Variants in AKT3 observed in about 807,000 individuals in gnomAD.
The protein encoded by AKT3 is AKT serine/threonine kinase 3.
AKT3 carries 15 observed loss-of-function variants against 65.3 expected under a neutral mutation model. The observed-to-expected ratio is 0.23, with a 90% confidence interval of 0.15 to 0.35. The LOEUF (loss-of-function observed/expected upper bound fraction) is 0.35. Ranked by LOEUF, AKT3 falls within the 10% of genes least tolerant of loss-of-function variation. The pLI is 1.00. For synonymous variants in AKT3, 206 were observed against 183.8 expected, an observed-to-expected ratio of 1.12 and a Z score of -0.98; for missense variants, 243 against 576.5, an observed-to-expected ratio of 0.42 and a Z score of 5.92.
chr1:243,704,559 G>C lies in AKT3; in HGVS notation c.47-8843C>G, dbSNP rs575758709. Among the ~76,000 whole-genome samples the C allele has an allele frequency of 5.6e-4, 86 of 152,246 alleles. 1 individual carries two copies. Among genetic ancestry groups the C allele is most frequent in the African/African-American group, 1.9e-3 (77 of 41,542 alleles). ...GCATTTCTAAATAGCATCTCATGTGGATTCAGAAAAAGGTAGTCGATGATA... is the reference window on the plus strand; with the variant it reads ...GCATTTCTAAATAGCATCTCATGTGCATTCAGAAAAAGGTAGTCGATGATA... On this transcript the variant is annotated intron_variant, in intron 2 of 13. Coordinates refer to ENST00000673466, the MANE Select transcript of AKT3 (RefSeq NM_005465.7).
intron 2 of AKT3, among the ~76,000 whole-genome samples, chr1:243,789,315 G>A (rs1043000785): frequency 1.3e-5 from 2 of 152,216 alleles, no homozygotes; most frequent in Non-Finnish European, 2.9e-5. Context: ...TAGCCAGGGA[G>A]TTCAAGGCTG....
At chr1:243,813,455 A>G (rs1474642639) in intron 2 of AKT3, among the ~76,000 whole-genome samples, 1 of 151,842 alleles carries the variant, frequency 6.6e-6, no homozygotes, top group Non-Finnish European at 1.5e-5. Context: ...TTGTGTAACC[A>G]AATACCACCT....
intron 11 of AKT3, among the ~76,000 whole-genome samples, chr1:243,549,126 A>C (rs1672872532): frequency 6.6e-6 from 1 of 152,114 alleles, no homozygotes; most frequent in Admixed American, 6.5e-5. Context: ...TTCCCAATCC[A>C]TGTAGTCAGT....
chr1:243,827,193 A>G (rs947942996), intron 2 of AKT3, among the ~76,000 whole-genome samples: 6 of 152,178 alleles, frequency 3.9e-5, no homozygotes, highest in Non-Finnish European at 8.8e-5. Context: ...TAATACAGGT[A>G]GAAAGTGATA....
chr1:243,545,258 G>T (rs1672582031), intron 12 of AKT3, among the ~76,000 whole-genome samples: 2 of 151,952 alleles, frequency 1.3e-5, no homozygotes, highest in Non-Finnish European at 2.9e-5. Flanking sequence ...AATAATGAGA[G>T]GCAAACAAAT....
At chr1:243,514,232 C>A (rs1670201897) in intron 12 of AKT3, among the ~76,000 whole-genome samples, 1 of 152,180 alleles carries the variant, frequency 6.6e-6, no homozygotes, top group African/African-American at 2.4e-5. Context: ...TCTGCCCCAT[C>A]CTTTTCATCT....
intron 12 of AKT3, 81 bp from the exon 13 acceptor site, chr1:243,512,507 G>C: frequency 1.2e-6 from 1 of 822,764 alleles, no homozygotes; most frequent in Non-Finnish European, 1.9e-6. Context: ...CAGAGAGCAC[G>C]TAGTTAAATG....
At chr1:243,780,721 GTAA>G (rs1690855320) in intron 2 of AKT3, among the ~76,000 whole-genome samples, 1 of 151,828 alleles carries the variant, frequency 6.6e-6, no homozygotes, top group Admixed American at 6.6e-5. Context: ...TATAAACTTT[GTAA>G]TTGTTCTAAC....
chr1:243,642,455 GCC>G (rs919101579), intron 5 of AKT3, among the ~76,000 whole-genome samples: 26 of 152,068 alleles, frequency 1.7e-4, no homozygotes, highest in African/African-American at 5.8e-4. Flanking sequence ...GACTACAGGC[GCC>G]CGCCACCACG....
chr1:243,763,054 C>G (rs1439143584), intron 2 of AKT3, among the ~76,000 whole-genome samples: 1 of 151,928 alleles, frequency 6.6e-6, no homozygotes, highest in Admixed American at 6.6e-5. Context: ...CGGCTTATTA[C>G]TCTAATAAAG....
At chr1:243,844,713 C>T (rs1192648589) in intron 1 of AKT3, among the ~76,000 whole-genome samples, 1 of 151,824 alleles carries the variant, frequency 6.6e-6, no homozygotes, top group Admixed American at 6.6e-5. Context: ...TTTTAAAAAG[C>T]AAAAAAAGTT....
At chr1:243,737,560 G>A (rs1370079749) in intron 2 of AKT3, among the ~76,000 whole-genome samples, 2 of 152,128 alleles carry the variant, frequency 1.3e-5, no homozygotes, top group Non-Finnish European at 2.9e-5. Flanking sequence ...GAAAAAGTGA[G>A]CACTCAATAC....
At chr1:243,841,339 C>T (rs1220494789) in intron 2 of AKT3, among the ~76,000 whole-genome samples, 2 of 152,064 alleles carry the variant, frequency 1.3e-5, no homozygotes, top group Non-Finnish European at 2.9e-5. Context: ...AATCCACAAC[C>T]ATCATCTCAT....
chr1:243,786,414 T>C (rs935969902), intron 2 of AKT3, among the ~76,000 whole-genome samples: 19 of 152,184 alleles, frequency 1.2e-4, no homozygotes, highest in African/African-American at 3.9e-4. Context: ...GGATAGTCAG[T>C]TATTTAAGTG....
chr1:243,715,395 T>C (rs1397531092), intron 2 of AKT3, among the ~76,000 whole-genome samples: 2 of 152,072 alleles, frequency 1.3e-5, no homozygotes, highest in African/African-American at 4.8e-5. Flanking sequence ...GCTTTACAGT[T>C]TACCAAATAT....
intron 3 of AKT3, among the ~76,000 whole-genome samples, chr1:243,676,926 T>C (rs1336218865): frequency 1.3e-5 from 2 of 152,220 alleles, no homozygotes; most frequent in Non-Finnish European, 2.9e-5. Flanking sequence ...AGATGAGTCC[T>C]ACCCAAATTC....
rs971415836 is a variant in AKT3 at position 243,684,927 on chromosome 1, A to C, written c.172+10664T>G. The stretch of plus-strand genomic sequence containing the variant: ...GACCAGTGATGATGAGCTTTTTTTC[A>C]TATGTTGGTTGGCCACATAAATGTC... On this transcript the variant is annotated intron_variant, in intron 3 of 13. Transcript: ENST00000673466. 2.6e-5 allele frequency among the ~76,000 whole-genome samples: 4 copies of C among 151,970 alleles called. No individual in the cohort carries two copies. The South Asian group carries it at 8.3e-4, about 31-fold the overall frequency.
At chr1:243,589,252 G>T (rs1229118709) in intron 8 of AKT3, among the ~76,000 whole-genome samples, 2 of 140,760 alleles carry the variant, frequency 1.4e-5, no homozygotes, top group Non-Finnish European at 3.0e-5. Flanking sequence ...GTTGCAGTGA[G>T]CCGAGATTGT....
chr1:243,835,846 T>C (rs996693381), intron 2 of AKT3, among the ~76,000 whole-genome samples: 9 of 152,156 alleles, frequency 5.9e-5, no homozygotes, highest in African/African-American at 2.2e-4. Context: ...AATAACAGTA[T>C]GCCTAAGTTC....
Sources: gnomAD v4.1 joint callset for allele counts (sites outside exome capture counted in the v4.1 genomes callset) on GRCh38, gnomAD v4.1.1 for gene constraint, MANE v1.5 for transcripts, NCBI Gene and HGNC (gene_info 2026-07-23, HGNC 2026-07-21) for gene names.